Variants in MAGED1 observed in about 807,000 individuals in gnomAD.
MAGED1 encodes melanoma-associated antigen D1.
In MAGED1, 3 loss-of-function variants were observed where a neutral mutation model predicts 54.1. That is an observed-to-expected ratio of 0.06 (90% CI 0.03 to 0.14). The LOEUF (loss-of-function observed/expected upper bound fraction) is 0.14, where lower values mean the gene tolerates loss of function less well. Among genes scored for constraint, MAGED1 ranks in the 10% least tolerant of loss-of-function variants. MAGED1 has a pLI of 1.00. For missense variants in MAGED1, 485 were observed against 623.4 expected (o/e 0.78, Z 2.36); for synonymous variants, 217 against 227.3 (o/e 0.95, Z 0.41).
intron 1 of MAGED1, among the ~76,000 whole-genome samples, chrX:51,846,800 A>G (rs1161096767): frequency 9.0e-6 from 1 of 111,166 alleles, no homozygotes; most frequent in East Asian, 2.8e-4. Flanking sequence ...CAAGAACAGC[A>G]CCAAGTGGAT....
intron 1 of MAGED1, among the ~76,000 whole-genome samples, chrX:51,820,914 C>T (rs1252029811): frequency 1.8e-5 from 2 of 111,515 alleles, no homozygotes; most frequent in Non-Finnish European, 3.8e-5. Context: ...CTCTTCCACC[C>T]CACTTTTTCC....
chrX:51,893,186 G>C (rs782104102), upstream of MAGED1, among the ~76,000 whole-genome samples: 1 of 110,936 alleles, frequency 9.0e-6, no homozygotes, highest in East Asian at 2.9e-4. Flanking sequence ...CGTTTCCTCA[G>C]CAGAGGTCTA....
chrX:51,889,155 G>A (rs1928343863), upstream of MAGED1, among the ~76,000 whole-genome samples: 1 of 111,292 alleles, frequency 9.0e-6, no homozygotes, highest in South Asian at 3.8e-4. Context: ...TTGTACTGCA[G>A]TTACACAGAT....
At position 51,895,360 on chromosome X, in the gene MAGED1, C is replaced by T; in HGVS notation, c.353C>T (p.Thr118Ile). The change falls in exon 3 of 13, where the codon ACC (threonine) becomes ATC (isoleucine). Residue 118 changes from threonine (T) to isoleucine (I), a missense_variant. Physicochemically the swap from Thr to Ile is moderately conservative, Grantham distance 89 (BLOSUM62 -1). This residue lies in a region of MAGED1 where 299 missense variants were observed against 293.1 expected (regional missense o/e 1.02). Coordinates refer to ENST00000326587, the MANE Select transcript of MAGED1 (RefSeq NM_006986.4). The stretch of plus-strand genomic sequence containing the variant: ...GCAGCCTTTAAGTCCCAAAATGCTA[C>T]CCCAAAGGGTCCAAATGCTGCCTAT... ...PKAAFKSQNA[T>I]PKGPNAAYDF... 2 of 1,209,095 alleles carry T rather than the reference C, an allele frequency of 1.7e-6. No homozygotes were observed. The highest frequency in any genetic ancestry group is 1.1e-6 in the Non-Finnish European group (1 of 894,089).
At chrX:51,861,251 TA>T (rs1296129985) in intron 1 of MAGED1, among the ~76,000 whole-genome samples, 1 of 111,702 alleles carries the variant, frequency 9.0e-6, no homozygotes, top group Admixed American at 9.5e-5. Flanking sequence ...TTTATTATAG[TA>T]AATATACTGT....
rs144264968 is a variant in MAGED1 at position 51,895,451 on chromosome X, C to T, written c.444C>T (p.Ala148=). The T allele has an allele frequency of 3.8e-4, 461 of 1,206,324 alleles. 2 individuals are homozygous for T. The East Asian group carries it at 0.013, about 34-fold the overall frequency. ...AANKSEMAFK[A]QNATTKVGPN... The stretch of plus-strand genomic sequence containing the variant: ...ACAAGTCTGAGATGGCCTTCAAGGC[C>T]CAGAATGCCACTACTAAAGTGGGCC... The change falls in exon 3 of 13, where the codon GCC becomes GCT. Residue 148 remains alanine, a synonymous_variant. Coordinates refer to ENST00000326587, the MANE Select transcript of MAGED1 (RefSeq NM_006986.4).
intron 1 of MAGED1, among the ~76,000 whole-genome samples, chrX:51,852,654 A>G (rs1557359866): frequency 8.9e-6 from 1 of 112,143 alleles, no homozygotes; most frequent in African/African-American, 3.2e-5. Context: ...CATTCTTGTT[A>G]AAGTTCTCAA....
At chrX:51,888,329 G>C (rs1928312687) in intron 1 of MAGED1, among the ~76,000 whole-genome samples, 1 of 111,531 alleles carries the variant, frequency 9.0e-6, no homozygotes, top group Non-Finnish European at 1.9e-5. Flanking sequence ...GCATGAAGAG[G>C]CATTTAATCA....
intron 1 of MAGED1, among the ~76,000 whole-genome samples, chrX:51,872,204 A>T (rs1421487906): frequency 3.6e-5 from 4 of 111,282 alleles, no homozygotes; most frequent in African/African-American, 9.8e-5. Context: ...AGGTTGCAAA[A>T]ATTTTCTCCC....
chrX:51,803,589 C>T (rs1446734660), intron 1 of MAGED1, among the ~76,000 whole-genome samples: 2 of 103,616 alleles, frequency 1.9e-5, no homozygotes, highest in Admixed American at 2.1e-4. Context: ...CAGTAAATTA[C>T]GTACTTTGCA....
At chrX:51,894,387 C>T (rs1557363899) in intron 2 of MAGED1, 38 bp downstream of exon 2, 2 of 1,146,154 alleles carry the variant, frequency 1.7e-6, no homozygotes, top group East Asian at 3.1e-5. Flanking sequence ...TTTCCCCAGC[C>T]GACAGTCACC....
rs781831768 is a variant in MAGED1 at position 51,824,704 on chromosome X, C to CTCTG, written c.-37+21588_-37+21589insCTGT. Among the ~76,000 whole-genome samples the CTCTG allele has an allele frequency of 2.9e-4, 26 of 90,423 alleles. No individual in the cohort carries two copies. The East Asian group carries it at 6.0e-3, about 21-fold the overall frequency. 78.5% of individuals were successfully genotyped at this position (90,423 alleles called of 115,157 possible). ...TTCTGAGGCTGTGTTTATATTGTCT[C>CTCTG]TGTGTGTGTGTGTGTGTGTGTGTGT... On this transcript the variant is annotated intron_variant, in intron 1 of 12. Transcript: ENST00000375772.
chrX:51,849,143 AT>A (rs1213600013), intron 1 of MAGED1, among the ~76,000 whole-genome samples: 8 of 110,782 alleles, frequency 7.2e-5, no homozygotes, highest in African/African-American at 9.8e-5. Context: ...TTTTTTCTGA[AT>A]GATTAATGAG....
At chrX:51,893,276 G>T (rs1557363668), upstream of MAGED1, among the ~76,000 whole-genome samples, 1 of 110,136 alleles carries the variant, frequency 9.1e-6, no homozygotes, top group Admixed American at 9.6e-5. Flanking sequence ...CGGCCTGACA[G>T]GAGGGGCCTT....
intron 1 of MAGED1, among the ~76,000 whole-genome samples, chrX:51,842,788 C>A (rs1028726661): frequency 1.8e-5 from 2 of 110,600 alleles, no homozygotes; most frequent in Admixed American, 9.6e-5. Flanking sequence ...GAGGCTCAAG[C>A]GATCCTCCCA....
chrX:51,871,401 T>A (rs1569555895), intron 1 of MAGED1, among the ~76,000 whole-genome samples: 1 of 110,264 alleles, frequency 9.1e-6, no homozygotes, highest in African/African-American at 3.3e-5. Flanking sequence ...TAGGTATATC[T>A]CCTAATGCTA....
chrX:51,894,749 C>A lies in MAGED1; in HGVS notation c.46-304C>A, dbSNP rs782542465. The stretch of plus-strand genomic sequence containing the variant: ...ATTCTCAACTCCGCGATCCGCCTGC[C>A]GTCCTGAGCTGCTACTGCACGCCTC... On this transcript the variant is annotated intron_variant, in intron 2 of 12. Transcript: ENST00000326587. The A allele has an allele frequency of 1.0e-5, 12 of 1,154,641 alleles. No homozygotes were observed. The highest frequency in any genetic ancestry group is 1.4e-5 in the Non-Finnish European group (12 of 873,658).
chrX:51,829,985 C>T (rs184326011), intron 1 of MAGED1, among the ~76,000 whole-genome samples: 63 of 111,122 alleles, frequency 5.7e-4, no homozygotes, highest in Non-Finnish European at 1.0e-3. Context: ...GAAAACATTG[C>T]GGTATTACGT....
intron 1 of MAGED1, among the ~76,000 whole-genome samples, chrX:51,851,027 C>T (rs1039823702): frequency 9.0e-6 from 1 of 111,452 alleles, no homozygotes; most frequent in Non-Finnish European, 1.9e-5. Context: ...TTCAGTTACT[C>T]TGCCTTCTCT....
Sources: gnomAD v4.1 joint callset for allele counts (sites outside exome capture counted in the v4.1 genomes callset) on GRCh38, gnomAD v4.1.1 for gene constraint, gnomAD v4.1.1 regional missense constraint, MANE v1.5 for transcripts, NCBI Gene and HGNC (gene_info 2026-07-23, HGNC 2026-07-21) for gene names.